ASB15: variants seen among roughly 807,000 people sequenced by gnomAD.
ASB15 encodes ankyrin repeat and SOCS box containing 15.
Under a neutral mutation model 58.0 loss-of-function variants are expected in ASB15, and 54 were observed. The ratio of observed to expected loss-of-function variants is 0.93; its 90% confidence interval spans 0.75 to 1.17. The LOEUF (loss-of-function observed/expected upper bound fraction) is 1.17, where lower values mean the gene tolerates loss of function less well. Among genes scored for constraint, ASB15 ranks in the 50% most tolerant of loss-of-function variants. ASB15 has a pLI of 0.00. For synonymous variants in ASB15, 249 were observed against 262.4 expected (o/e 0.95, Z 0.50); for missense variants, 680 against 707.4 (o/e 0.96, Z 0.44).
At chr7:123,609,710 C>A (rs890502572) in intron 3 of ASB15, among the ~76,000 whole-genome samples, 7 of 152,130 alleles carry the variant, frequency 4.6e-5, no homozygotes, top group South Asian at 4.1e-4. Context: ...AAAGGGAGAA[C>A]CTTGGTTCCG....
At chr7:123,609,790 G>A (rs1436830689) in intron 3 of ASB15, among the ~76,000 whole-genome samples, 2 of 152,210 alleles carry the variant, frequency 1.3e-5, no homozygotes, top group African/African-American at 2.4e-5. Flanking sequence ...TGCCTTTACA[G>A]GAAGGCATTA....
intron 11 of ASB15, among the ~76,000 whole-genome samples, chr7:123,634,237 T>A (rs1028381024): frequency 7.2e-5 from 11 of 151,794 alleles, no homozygotes; most frequent in African/African-American, 1.5e-4. Flanking sequence ...GTATGTGCTG[T>A]TCCCCTCCAT....
chr7:123,616,629 C>T, intron 6 of ASB15, 134 bp downstream of exon 6: 2 of 1,117,286 alleles, frequency 1.8e-6, no homozygotes, highest in Non-Finnish European at 2.5e-6. Flanking sequence ...TTGAAAAAGG[C>T]AGCACCCATG....
intron 1 of ASB15, among the ~76,000 whole-genome samples, chr7:123,586,982 T>C (rs1476254413): frequency 6.6e-6 from 1 of 151,776 alleles, no homozygotes; most frequent in Non-Finnish European, 1.5e-5. Context: ...CTTTGTATTA[T>C]AATTTGAATT....
intron 1 of ASB15, among the ~76,000 whole-genome samples, chr7:123,571,597 A>C (rs562633043): frequency 4.6e-5 from 7 of 152,324 alleles, no homozygotes; most frequent in Admixed American, 4.6e-4. Context: ...CCCAAAAGAG[A>C]AGCATTATAT....
At chr7:123,596,828 A>G (rs935578492), upstream of ASB15, among the ~76,000 whole-genome samples, 1 of 152,226 alleles carries the variant, frequency 6.6e-6, no homozygotes, top group East Asian at 1.9e-4. Flanking sequence ...GAAAAGATCA[A>G]TTATTTTCAG....
chr7:123,611,082 CA>C (rs34527165), intron 3 of ASB15, among the ~76,000 whole-genome samples: 19,993 of 81,842 alleles, frequency 0.24, 1,239 homozygotes, highest in African/African-American at 0.28. Flanking sequence ...AACTCCATCT[CA>C]AAAAAAAAAA....
Position 123,629,432 on chromosome 7 carries a change from C to A in ASB15, c.1438C>A (p.Pro480Thr). The part of the protein sequence containing the change: ...GWTSCVIKDN[P>T]FCEFITVPWM... Reference sequence around the variant, plus strand: ...GACATCTTGTGTAATAAAAGATAACCCGGTGAGTTATGCCTTTTCTGCTTT... The same window carrying A: ...GACATCTTGTGTAATAAAAGATAACACGGTGAGTTATGCCTTTTCTGCTTT... The change falls in exon 10 of 12, where the codon CCG (proline) becomes ACG (threonine). Residue 480 changes from proline (P) to threonine (T), a missense_variant and splice_region_variant. Coordinates refer to ENST00000451215, the MANE Select transcript of ASB15 (RefSeq NM_001290258.2). 1.9e-6 allele frequency: 3 copies of A among 1,597,860 alleles called. No homozygotes were observed. Among genetic ancestry groups the A allele is most frequent in the Non-Finnish European group, 2.6e-6 (3 of 1,172,776 alleles).
intron 8 of ASB15, 33 bp downstream of exon 8, chr7:123,624,847 T>C (rs1476942964): frequency 1.1e-5 from 17 of 1,596,082 alleles, no homozygotes; most frequent in East Asian, 6.8e-5. Context: ...TCCTGACTTT[T>C]GTCCTGCCTC....
At chr7:123,603,033 C>T (rs1346156445) in intron 1 of ASB15, among the ~76,000 whole-genome samples, 1 of 152,092 alleles carries the variant, frequency 6.6e-6, no homozygotes, top group Non-Finnish European at 1.5e-5. Context: ...AGTGTAATCC[C>T]TATCACAGGT....
intron 2 of ASB15, among the ~76,000 whole-genome samples, chr7:123,606,791 T>C (rs569824291): frequency 2.6e-4 from 39 of 152,350 alleles, no homozygotes; most frequent in African/African-American, 9.1e-4. Flanking sequence ...GATTCTCTTC[T>C]TTTTTAAGGT....
chr7:123,617,489 C>A (rs749424198), intron 6 of ASB15, 90 bp from the exon 7 acceptor site: 1 of 1,137,840 alleles, frequency 8.8e-7, no homozygotes, highest in Non-Finnish European at 1.2e-6. Flanking sequence ...TTGTTCAATC[C>A]GATGTATATA....
At chr7:123,632,425 G>C (rs1381222494) in intron 11 of ASB15, among the ~76,000 whole-genome samples, 1 of 152,162 alleles carries the variant, frequency 6.6e-6, no homozygotes. Flanking sequence ...CGAAGAAATA[G>C]ATAAAAGGAT....
In ASB15 at chr7:123,636,833, T is replaced by C. The variant is rs1207216790; in HGVS notation, c.1619T>C (p.Leu540Ser). 1.2e-6 allele frequency: 2 copies of C among 1,608,632 alleles called. No individual in the cohort carries two copies. The highest frequency in any genetic ancestry group is 1.7e-6 in the Non-Finnish European group (2 of 1,178,610). ...GAGAATCCTTGTTCATTGAAGCATT[T>C]GTGTCGGTTAAAAATTCGAAGGCTT... Reference protein sequence around the residue: ...ILENPCSLKHLCRLKIRRLMG... With the variant: ...ILENPCSLKHSCRLKIRRLMG... The change falls in exon 12 of 12, where the codon TTG (leucine) becomes TCG (serine). Residue 540 changes from leucine to serine, a missense_variant. Physicochemically the swap from Leu to Ser is moderately radical, Grantham distance 145 (BLOSUM62 -2). Coordinates refer to ENST00000451215, the MANE Select transcript of ASB15 (RefSeq NM_001290258.2).
intron 1 of ASB15, among the ~76,000 whole-genome samples, chr7:123,593,170 C>A (rs996846099): frequency 6.6e-6 from 1 of 152,068 alleles, no homozygotes; most frequent in African/African-American, 2.4e-5. Flanking sequence ...TGTGTCTTTG[C>A]ATGTGAGATG....
At position 123,637,094 on chromosome 7, in the gene ASB15, G is replaced by A; in HGVS notation, c.*113G>A. The A allele has an allele frequency of 2.8e-6, 2 of 725,944 alleles. No homozygotes were observed. The highest frequency in any genetic ancestry group is 4.4e-5 in the South Asian group (2 of 45,474). The allele number at this position is 725,944 out of a possible 1,614,324, so 45.0% of individuals were successfully genotyped here. A position where few individuals can be genotyped will look rare whatever the true frequency, so the allele number is the denominator to read the frequency against. ...TAAAGTGTATTTAAATTCATTGACA[G>A]TTTTATAGGTTATCATGTGTTCTTA... On this transcript the variant is annotated 3_prime_UTR_variant, in exon 12 of 12. Coordinates refer to ENST00000451215, the MANE Select transcript of ASB15 (RefSeq NM_001290258.2).
chr7:123,605,586 A>G (rs1439665520), intron 2 of ASB15, among the ~76,000 whole-genome samples: 1 of 152,230 alleles, frequency 6.6e-6, no homozygotes, highest in Non-Finnish European at 1.5e-5. Context: ...AAAACATGGA[A>G]TCAACCTAAA....
intron 6 of ASB15, among the ~76,000 whole-genome samples, 197 bp downstream of exon 6, chr7:123,616,692 C>G (rs1346889786): frequency 6.6e-6 from 1 of 151,998 alleles, no homozygotes; most frequent in South Asian, 2.1e-4. Context: ...GGGGGTTTAC[C>G]TTTTGCATCC....
upstream of ASB15, chr7:123,601,780 G>C (rs965656169): frequency 6.6e-6 from 1 of 152,096 alleles, no homozygotes; most frequent in Non-Finnish European, 1.5e-5. Flanking sequence ...AGTTGTACAA[G>C]GTCAGGTCTT....
Sources: gnomAD v4.1 joint callset for allele counts (sites outside exome capture counted in the v4.1 genomes callset) on GRCh38, gnomAD v4.1.1 for gene constraint, MANE v1.5 for transcripts, NCBI Gene and HGNC (gene_info 2026-07-23, HGNC 2026-07-21) for gene names.